Variants in CD80 observed in about 807,000 individuals in gnomAD.
The protein encoded by CD80 is T-lymphocyte activation antigen CD80.
CD80 carries 13 observed loss-of-function variants against 27.1 expected under a neutral mutation model. That is an observed-to-expected ratio of 0.48 (90% CI 0.31 to 0.76). The LOEUF (loss-of-function observed/expected upper bound fraction) is 0.76. Ranked by LOEUF, CD80 falls within the 30% of genes least tolerant of loss-of-function variation. CD80 has a pLI of 0.04. For missense variants in CD80, 277 were observed against 347.9 expected, an observed-to-expected ratio of 0.80 and a Z score of 1.62; for synonymous variants, 125 against 125.5, an observed-to-expected ratio of 1.00 and a Z score of 0.03.
chr3:119,538,279 C>CCTTT (rs1298231444), intron 3 of CD80, among the ~76,000 whole-genome samples: 1 of 152,112 alleles, frequency 6.6e-6, no homozygotes, highest in Non-Finnish European at 1.5e-5. Flanking sequence ...CTTGACCTTG[C>CCTTT]CTTTCTTTCT....
intron 4 of CD80, 86 bp downstream of exon 4, chr3:119,537,051 A>G: frequency 9.1e-6 from 11 of 1,215,304 alleles, no homozygotes; most frequent in Non-Finnish European, 1.3e-5. Context: ...GCATTTCTCA[A>G]AATGTATCCA....
chr3:119,544,623 C>G lies in CD80; in HGVS notation c.345G>C (p.Glu115Asp), dbSNP rs2082189852. 1 of 1,614,072 alleles carries G rather than the reference C, an allele frequency of 6.2e-7. No homozygotes were observed. The highest frequency in any genetic ancestry group is 8.5e-7 in the Non-Finnish European group (1 of 1,180,040). Reference protein sequence around the residue: ...ALRPSDEGTYECVVLKYEKDA... With the variant: ...ALRPSDEGTYDCVVLKYEKDA... ...CTTTTTCATACTTCAGAACAACACACTCGTATGTGCCCTCGTCAGATGGGC... is the reference window on the plus strand; with the variant it reads ...CTTTTTCATACTTCAGAACAACACAGTCGTATGTGCCCTCGTCAGATGGGC... The change falls in exon 3 of 7, where the codon GAG becomes GAC. Residue 115 changes from glutamate (E) to aspartate (D), a missense_variant. By Grantham distance (45) the Glu-to-Asp change is conservative. Coordinates refer to ENST00000264246, the MANE Select transcript of CD80 (RefSeq NM_005191.4).
intron 3 of CD80, among the ~76,000 whole-genome samples, chr3:119,537,716 G>A (rs1243071837): frequency 2.0e-5 from 3 of 152,126 alleles, no homozygotes; most frequent in Non-Finnish European, 4.4e-5. Context: ...GCAAGAGAAT[G>A]GCTTGAACCC....
At chr3:119,540,784 C>G (rs1032484374) in intron 3 of CD80, among the ~76,000 whole-genome samples, 2 of 152,154 alleles carry the variant, frequency 1.3e-5, no homozygotes, top group Non-Finnish European at 2.9e-5. Flanking sequence ...TGTGCTGGCT[C>G]ATGCCTGTAA....
At chr3:119,543,608 T>A (rs1440174109) in intron 3 of CD80, among the ~76,000 whole-genome samples, 3 of 150,576 alleles carry the variant, frequency 2.0e-5, no homozygotes, top group African/African-American at 7.3e-5. Context: ...CCTGGCTAAT[T>A]TTTGTATTTT....
chr3:119,537,315 G>A lies in CD80; in HGVS notation c.522C>T (p.Ser174=), dbSNP rs776799540. ...TTAATTCTTCTCCATTTTCCAACCAGGAGAGGTGAGGCTCTGGAAAACCTC... is the reference window on the plus strand; with the variant it reads ...TTAATTCTTCTCCATTTTCCAACCAAGAGAGGTGAGGCTCTGGAAAACCTC... ...TSGGFPEPHL[S]WLENGEELNA... is the part of the protein sequence containing the mutation. The change falls in exon 4 of 7, where the codon TCC becomes TCT. Residue 174 remains serine (S), a synonymous_variant. Coordinates refer to ENST00000264246, the MANE Select transcript of CD80 (RefSeq NM_005191.4). 6.2e-7 allele frequency: 1 copy of A among 1,614,098 alleles called. No individual in the cohort carries two copies. Among genetic ancestry groups the A allele is most frequent in the South Asian group, 1.1e-5 (1 of 91,088 alleles).
intron 2 of CD80, among the ~76,000 whole-genome samples, chr3:119,550,318 G>T (rs1467538157): frequency 6.6e-6 from 1 of 152,240 alleles, no homozygotes; most frequent in Non-Finnish European, 1.5e-5. Context: ...ATGTGGTGAT[G>T]TTAGCAAAAG....
chr3:119,557,154 T>C (rs2082269204), intron 2 of CD80, among the ~76,000 whole-genome samples: 1 of 152,178 alleles, frequency 6.6e-6, no homozygotes, highest in Non-Finnish European at 1.5e-5. Flanking sequence ...AAGATGAATG[T>C]CATTAAGAGG....
In CD80 at chr3:119,536,407, C is replaced by T. The variant is rs746368605; in HGVS notation, c.700+730G>A. On this transcript the variant is annotated intron_variant, in intron 4 of 6. Transcript: ENST00000264246. ...CCAGGCTGGAGTCTAGTGGCATGAT[C>T]ATAGCTCACTGCAACTTTGAACACC... Among the ~76,000 whole-genome samples the T allele has an allele frequency of 3.3e-4, 50 of 152,074 alleles. 1 individual carries two copies. Among genetic ancestry groups the T allele is most frequent in the Admixed American group, 7.2e-4 (11 of 15,276 alleles).
At chr3:119,529,990 A>G in intron 4 of CD80, 53 bp from the exon 5 acceptor site, 3 of 1,288,178 alleles carry the variant, frequency 2.3e-6, no homozygotes, top group Non-Finnish European at 3.4e-6. Context: ...ACTGCCTGAT[A>G]CTCATTCTGT....
At chr3:119,556,906 C>T (rs892592528) in intron 2 of CD80, among the ~76,000 whole-genome samples, 1 of 151,994 alleles carries the variant, frequency 6.6e-6, no homozygotes, top group Non-Finnish European at 1.5e-5. Flanking sequence ...TCTTGACAGT[C>T]CCAAAAGTTC....
chr3:119,545,889 G>T (rs2082200076), intron 2 of CD80, among the ~76,000 whole-genome samples: 1 of 152,108 alleles, frequency 6.6e-6, no homozygotes. Flanking sequence ...GAATTTTGGG[G>T]TCATATGGTA....
At chr3:119,527,134 G>A (rs2082071598) in intron 6 of CD80, among the ~76,000 whole-genome samples, 1 of 152,210 alleles carries the variant, frequency 6.6e-6, no homozygotes, top group South Asian at 2.1e-4. Context: ...ACCATGCCAT[G>A]TGAGGAACAA....
In CD80 at chr3:119,544,627, T is replaced by A; in HGVS notation, c.341A>T (p.Tyr114Phe). Residue 114 changes from tyrosine to phenylalanine, a missense_variant, in exon 3 of 7, where the codon TAC (tyrosine) becomes TTC (phenylalanine). Physicochemically the swap from Tyr to Phe is conservative, Grantham distance 22. Transcript: ENST00000264246. ...LALRPSDEGT[Y>F]ECVVLKYEKD... ...TTCATACTTCAGAACAACACACTCG[T>A]ATGTGCCCTCGTCAGATGGGCGCAG... 6.2e-7 allele frequency: 1 copy of A among 1,614,202 alleles called. No individual in the cohort carries two copies. Among genetic ancestry groups the A allele is most frequent in the Non-Finnish European group, 8.5e-7 (1 of 1,180,028 alleles).
chr3:119,552,072 C>A (rs2082235589), intron 2 of CD80, among the ~76,000 whole-genome samples: 1 of 152,252 alleles, frequency 6.6e-6, no homozygotes. Flanking sequence ...CTGGCCTCAG[C>A]CTCTGCCTCT....
intron 6 of CD80, among the ~76,000 whole-genome samples, chr3:119,526,382 T>G (rs1483328733): frequency 6.6e-6 from 1 of 152,078 alleles, no homozygotes; most frequent in Non-Finnish European, 1.5e-5. Context: ...AGATAGAAAG[T>G]CAAGAAAATT....
At position 119,524,848 on chromosome 3, in the gene CD80, A is replaced by G. The variant is rs2082055575; in HGVS notation, c.*940T>C. The stretch of plus-strand genomic sequence containing the variant: ...CCAAGGAGAAAAAGCCATCTTAGGG[A>G]TCTAAGGAGGCCCTATGGAAAGTTA... On this transcript the variant is annotated 3_prime_UTR_variant, in exon 7 of 7. Coordinates refer to ENST00000264246, the MANE Select transcript of CD80 (RefSeq NM_005191.4). 1 of 152,206 alleles carries G rather than the reference A, an allele frequency of 6.6e-6. No homozygotes were observed. The highest frequency in any genetic ancestry group is 2.4e-5 in the African/African-American group (1 of 41,442). The allele number at this position is 152,206 out of a possible 1,614,324, so 9.4% of individuals were successfully genotyped here. A position where few individuals can be genotyped will look rare whatever the true frequency, so the allele number is the denominator to read the frequency against.
At chr3:119,526,462 A>T (rs2082066608) in intron 6 of CD80, among the ~76,000 whole-genome samples, 1 of 152,216 alleles carries the variant, frequency 6.6e-6, no homozygotes, top group Non-Finnish European at 1.5e-5. Context: ...GCAAGCATTC[A>T]GTGGAAATGA....
intron 2 of CD80, among the ~76,000 whole-genome samples, chr3:119,547,781 C>T (rs2082209511): frequency 6.6e-6 from 1 of 152,108 alleles, no homozygotes; most frequent in South Asian, 2.1e-4. Flanking sequence ...CACCTTACAC[C>T]TTTGATATAA....
Sources: gnomAD v4.1 joint callset for allele counts (sites outside exome capture counted in the v4.1 genomes callset) on GRCh38, gnomAD v4.1.1 for gene constraint, MANE v1.5 for transcripts, NCBI Gene and HGNC (gene_info 2026-07-23, HGNC 2026-07-21) for gene names.